TAS2R1: variants seen among roughly 807,000 people sequenced by gnomAD.
The protein encoded by TAS2R1 is taste 2 receptor member 1, also known as taste receptor type 2 member 1.
For synonymous variants in TAS2R1, 141 were observed against 134.2 expected, an observed-to-expected ratio of 1.05 and a Z score of -0.35; for missense variants, 370 against 353.4, an observed-to-expected ratio of 1.05 and a Z score of -0.38.
the TAS2R1 span, among the ~76,000 whole-genome samples, chr5:9,753,959 T>C: frequency 6.6e-6 from 1 of 152,126 alleles, no homozygotes; most frequent in Non-Finnish European, 1.5e-5. Flanking sequence ...AGCCTTGTAG[T>C]ATAGTTTGAA....
At chr5:9,707,539 C>T (rs1466098139) in intron 1 of TAS2R1, among the ~76,000 whole-genome samples, 39 of 152,076 alleles carry the variant, frequency 2.6e-4, no homozygotes, top group East Asian at 1.9e-4. Context: ...AAAAATTAGC[C>T]GGGCGTGGTG....
At chr5:9,641,866 C>T (rs1263903693) in intron 2 of TAS2R1, 1 of 152,186 alleles carries the variant, frequency 6.6e-6, no homozygotes, top group Non-Finnish European at 1.5e-5. Flanking sequence ...ATATGTCTGG[C>T]CTCACCTGTC....
the TAS2R1 span, among the ~76,000 whole-genome samples, chr5:9,819,179 GA>G: frequency 6.6e-6 from 1 of 152,242 alleles, no homozygotes; most frequent in South Asian, 2.1e-4. Context: ...CTCAGATGAG[GA>G]TTGCTGAGAG....
the TAS2R1 span, among the ~76,000 whole-genome samples, chr5:9,790,376 C>G: frequency 6.6e-6 from 1 of 151,856 alleles, no homozygotes; most frequent in Admixed American, 6.6e-5. Flanking sequence ...TTAAACTCAA[C>G]CATATAGTTA....
chr5:9,765,192 TATA>T, the TAS2R1 span, among the ~76,000 whole-genome samples: 1 of 152,146 alleles, frequency 6.6e-6, no homozygotes, highest in Non-Finnish European at 1.5e-5. Context: ...ATGGCTCTTC[TATA>T]ATAATAAAAA....
chr5:9,835,300 G>C, the TAS2R1 span, among the ~76,000 whole-genome samples: 1 of 152,228 alleles, frequency 6.6e-6, no homozygotes, highest in Non-Finnish European at 1.5e-5. Flanking sequence ...ACTGTGGCCA[G>C]GGGGAGCCCT....
the TAS2R1 span, among the ~76,000 whole-genome samples, chr5:9,856,655 A>G: frequency 6.6e-6 from 1 of 152,244 alleles, no homozygotes; most frequent in Admixed American, 6.5e-5. Context: ...CTCTCTATAG[A>G]GAAAATTGTC....
the TAS2R1 span, among the ~76,000 whole-genome samples, chr5:9,902,415 C>A: frequency 6.6e-6 from 1 of 152,038 alleles, no homozygotes; most frequent in African/African-American, 2.4e-5. Flanking sequence ...CCAGCCATGG[C>A]TGTCATTTGG....
intron 1 of TAS2R1, among the ~76,000 whole-genome samples, chr5:9,699,574 A>T (rs1030614388): frequency 4.6e-5 from 7 of 151,982 alleles, no homozygotes; most frequent in Non-Finnish European, 8.8e-5. Flanking sequence ...TTTTTCTGGC[A>T]TCTAAACTCT....
chr5:9,722,072 T>A, the TAS2R1 span, among the ~76,000 whole-genome samples: 1 of 152,198 alleles, frequency 6.6e-6, no homozygotes, highest in African/African-American at 2.4e-5. Context: ...ACTTGCTCAC[T>A]CTGATGGAGC....
the TAS2R1 span, among the ~76,000 whole-genome samples, chr5:9,768,578 C>G: frequency 6.6e-6 from 1 of 152,158 alleles, no homozygotes; most frequent in Non-Finnish European, 1.5e-5. Flanking sequence ...CCTTCGCCTC[C>G]TTGCTGACCT....
At chr5:9,739,953 CT>C in the TAS2R1 span, among the ~76,000 whole-genome samples, 1 of 152,160 alleles carries the variant, frequency 6.6e-6, no homozygotes, top group Non-Finnish European at 1.5e-5. Context: ...AATTCAAGGT[CT>C]TTTTAAAGCA....
chr5:9,769,704 ATGTCTTCTTTTG>A, the TAS2R1 span, among the ~76,000 whole-genome samples: 1 of 152,188 alleles, frequency 6.6e-6, no homozygotes, highest in Admixed American at 6.5e-5. Flanking sequence ...TATCACTTGT[ATGTCTTCTTTTG>A]AGAAATATCT....
the TAS2R1 span, chr5:9,884,081 A>G: frequency 1.3e-5 from 2 of 152,282 alleles, no homozygotes; most frequent in African/African-American, 4.8e-5. Flanking sequence ...CCATTCTTTT[A>G]TCAAGAAACT....
At chr5:9,882,983 C>T in the TAS2R1 span, among the ~76,000 whole-genome samples, 1 of 152,124 alleles carries the variant, frequency 6.6e-6, no homozygotes, top group African/African-American at 2.4e-5. Context: ...CCCAAACACC[C>T]ATCAATGATA....
the TAS2R1 span, among the ~76,000 whole-genome samples, chr5:9,833,007 C>T: frequency 0.016 from 2,378 of 152,206 alleles, 58 homozygotes; most frequent in African/African-American, 0.052. Flanking sequence ...TAAGGCGGGA[C>T]GACAAGAGGC....
intron 1 of TAS2R1, among the ~76,000 whole-genome samples, chr5:9,711,900 A>G (rs922118593): frequency 2.6e-5 from 4 of 150,954 alleles, no homozygotes; most frequent in African/African-American, 9.7e-5. Flanking sequence ...TCCTGACCTC[A>G]GGCGATGCAC....
intron 1 of TAS2R1, among the ~76,000 whole-genome samples, chr5:9,707,976 G>T (rs760695373): frequency 3.3e-5 from 5 of 152,144 alleles, no homozygotes; most frequent in Non-Finnish European, 5.9e-5. Flanking sequence ...TGACTCATGG[G>T]TCTCAGTGTG....
intron 2 of TAS2R1, among the ~76,000 whole-genome samples, chr5:9,653,787 A>G (rs549463997): frequency 1.3e-5 from 2 of 152,014 alleles, no homozygotes; most frequent in Admixed American, 1.3e-4. Flanking sequence ...TATATCTGAA[A>G]ATTCGTTTCA....
Sources: gnomAD v4.1 joint callset for allele counts (sites outside exome capture counted in the v4.1 genomes callset) on GRCh38, gnomAD v4.1.1 for gene constraint, MANE v1.5 for transcripts, NCBI Gene and HGNC (gene_info 2026-07-23, HGNC 2026-07-21) for gene names.